The following NRG3 variants were observed in gnomAD, a reference collection of about 807,000 sequenced individuals.
The protein encoded by NRG3 is pro-neuregulin-3, membrane-bound isoform.
A neutral mutation model predicts 66.9 loss-of-function variants in NRG3; 31 were observed. The ratio of observed to expected loss-of-function variants is 0.46; its 90% CI spans 0.35 to 0.63. The LOEUF (loss-of-function observed/expected upper bound fraction) is 0.63. NRG3 is among the 20% of genes least tolerant of loss of function. The pLI is 0.00. For missense variants in NRG3, 910 were observed against 878.9 expected (o/e 1.04, Z -0.45); for synonymous variants, 393 against 359.4 (o/e 1.09, Z -1.06).
intron 1 of NRG3, among the ~76,000 whole-genome samples, chr10:81,979,943 A>G (rs1589671364): frequency 6.6e-6 from 1 of 152,208 alleles, no homozygotes; most frequent in African/African-American, 2.4e-5. Context: ...GGAACAAAAA[A>G]TCAAGAAGAC....
intron 2 of NRG3, among the ~76,000 whole-genome samples, chr10:82,617,328 A>G (rs985148136): frequency 1.3e-5 from 2 of 150,388 alleles, no homozygotes; most frequent in African/African-American, 2.5e-5. Context: ...ACATAGACAC[A>G]CACACACACA....
intron 3 of NRG3, among the ~76,000 whole-genome samples, chr10:82,746,970 C>T (rs1478658030): frequency 1.3e-5 from 2 of 152,030 alleles, no homozygotes; most frequent in Non-Finnish European, 2.9e-5. Flanking sequence ...GTAGTCCCAG[C>T]TACTTGGGAG....
chr10:82,741,407 T>C (rs975074108), intron 3 of NRG3, among the ~76,000 whole-genome samples: 5 of 152,186 alleles, frequency 3.3e-5, no homozygotes, highest in African/African-American at 1.2e-4. Flanking sequence ...GCCTCAGGCT[T>C]TCACTTGAGC....
At chr10:82,440,093 T>C (rs1408023514) in intron 2 of NRG3, among the ~76,000 whole-genome samples, 1 of 152,112 alleles carries the variant, frequency 6.6e-6, no homozygotes, top group Admixed American at 6.5e-5. Context: ...CATTTTCTAA[T>C]GGCAGATTAT....
At chr10:82,358,347 A>G (rs1042973639) in intron 1 of NRG3, among the ~76,000 whole-genome samples, 5 of 152,306 alleles carry the variant, frequency 3.3e-5, no homozygotes, top group Admixed American at 6.5e-5. Context: ...TACATTGATC[A>G]GATGTTTAAT....
chr10:82,301,680 A>G (rs1376807193), intron 1 of NRG3, among the ~76,000 whole-genome samples: 1 of 127,684 alleles, frequency 7.8e-6, no homozygotes, highest in Non-Finnish European at 1.6e-5. Context: ...GTATACACAT[A>G]TATTCCTATA....
intron 1 of NRG3, among the ~76,000 whole-genome samples, chr10:82,057,270 C>T (rs1050627925): frequency 2.0e-5 from 3 of 151,558 alleles, no homozygotes; most frequent in Non-Finnish European, 4.4e-5. Flanking sequence ...GGTTCTTTAT[C>T]AAATACGTAT....
chr10:81,932,924 T>C (rs1220653223), intron 1 of NRG3, among the ~76,000 whole-genome samples: 1 of 151,952 alleles, frequency 6.6e-6, no homozygotes, highest in Non-Finnish European at 1.5e-5. Flanking sequence ...CTGGCCAAGA[T>C]GGTGAAACCC....
chr10:82,253,199 C>A lies in NRG3; in HGVS notation c.824-105540C>A, dbSNP rs143442151. On this transcript the variant is annotated intron_variant, in intron 1 of 8. Coordinates refer to ENST00000372141, the MANE Select transcript of NRG3 (RefSeq NM_001010848.4). Reference sequence around the variant, plus strand: ...TGTTACTATCTGGTTAGTTCAAATACCTCCCATATTCTCTGACCTCACGAA... The same window carrying A: ...TGTTACTATCTGGTTAGTTCAAATAACTCCCATATTCTCTGACCTCACGAA... Among the ~76,000 whole-genome samples, 504 of 152,250 alleles carry A rather than the reference C, an allele frequency of 3.3e-3. 2 individuals carry two copies. Among genetic ancestry groups the A allele is most frequent in the African/African-American group, 0.011 (457 of 41,554 alleles).
intron 1 of NRG3, among the ~76,000 whole-genome samples, chr10:81,977,265 A>G (rs1479407058): frequency 1.3e-5 from 2 of 151,984 alleles, no homozygotes; most frequent in Non-Finnish European, 2.9e-5. Context: ...TATTTATTTA[A>G]TGTCTGTCTA....
intron 1 of NRG3, among the ~76,000 whole-genome samples, chr10:82,165,269 G>A (rs1052987847): frequency 6.6e-6 from 1 of 151,812 alleles, no homozygotes; most frequent in African/African-American, 2.4e-5. Flanking sequence ...GAAATTTTAA[G>A]AATTTTTATA....
At chr10:82,588,180 T>C (rs2046782086) in intron 2 of NRG3, among the ~76,000 whole-genome samples, 1 of 152,092 alleles carries the variant, frequency 6.6e-6, no homozygotes, top group African/African-American at 2.4e-5. Flanking sequence ...ATGGTTTGGA[T>C]ATTTGACCCC....
At chr10:82,327,408 G>A (rs982208460) in intron 1 of NRG3, among the ~76,000 whole-genome samples, 2 of 152,178 alleles carry the variant, frequency 1.3e-5, no homozygotes, top group Non-Finnish European at 2.9e-5. Context: ...ACAATCAAGA[G>A]AGTCTGAGAA....
chr10:82,957,746 T>A (rs1850198362), intron 5 of NRG3, among the ~76,000 whole-genome samples: 1 of 150,002 alleles, frequency 6.7e-6, no homozygotes, highest in South Asian at 2.1e-4. Flanking sequence ...TCAAATCAGT[T>A]GTGTACCTAA....
intron 2 of NRG3, among the ~76,000 whole-genome samples, chr10:82,608,661 A>G (rs2048116722): frequency 6.6e-6 from 1 of 151,692 alleles, no homozygotes; most frequent in Admixed American, 6.6e-5. Flanking sequence ...TTTGTTCTCA[A>G]CCCCTCTTCC....
chr10:82,831,412 A>G (rs2062514671), intron 3 of NRG3, among the ~76,000 whole-genome samples: 1 of 152,204 alleles, frequency 6.6e-6, no homozygotes, highest in African/African-American at 2.4e-5. Context: ...TATAATTAGA[A>G]ATAATATTAG....
At chr10:82,916,224 G>A (rs1490699240) in intron 4 of NRG3, among the ~76,000 whole-genome samples, 15 of 152,278 alleles carry the variant, frequency 9.9e-5, no homozygotes, top group East Asian at 3.9e-4. Context: ...GGCCAAGTTA[G>A]GAGGATTGCT....
At chr10:82,612,521 A>T (rs993952504) in intron 2 of NRG3, among the ~76,000 whole-genome samples, 2 of 152,210 alleles carry the variant, frequency 1.3e-5, no homozygotes, top group Admixed American at 1.3e-4. Flanking sequence ...GAATTAGCAG[A>T]AAAACATATG....
At chr10:82,335,020 T>G (rs1232697757) in intron 1 of NRG3, among the ~76,000 whole-genome samples, 1 of 152,228 alleles carries the variant, frequency 6.6e-6, no homozygotes, top group Non-Finnish European at 1.5e-5. Flanking sequence ...CTGCTTACAT[T>G]TCATCCTCCG....
Sources: gnomAD v4.1 joint callset for allele counts (sites outside exome capture counted in the v4.1 genomes callset) on GRCh38, gnomAD v4.1.1 for gene constraint, MANE v1.5 for transcripts, NCBI Gene and HGNC (gene_info 2026-07-23, HGNC 2026-07-21) for gene names.